Variants in TAMM41 observed in about 807,000 individuals in gnomAD.
TAMM41 encodes phosphatidate cytidylyltransferase, mitochondrial.
Under a neutral mutation model 44.1 loss-of-function variants are expected in TAMM41, and 36 were observed. That is an observed-to-expected ratio of 0.82 (90% confidence interval 0.63 to 1.08). The LOEUF is 1.08. Ranked by LOEUF, TAMM41 falls within the 50% of genes least tolerant of loss-of-function variation. The probability of loss-of-function intolerance (pLI) is 0.00; values close to 1 mark genes in which losing one functional copy is unlikely to be tolerated. For missense variants in TAMM41, 417 were observed against 404.3 expected, an observed-to-expected ratio of 1.03 and a Z score of -0.27; for synonymous variants, 164 against 153.1, an observed-to-expected ratio of 1.07 and a Z score of -0.53.
chr3:11,785,631 TTCAG>T (rs1026447226), downstream of TAMM41, among the ~76,000 whole-genome samples: 6 of 149,982 alleles, frequency 4.0e-5, no homozygotes, highest in Middle Eastern at 3.8e-3. Flanking sequence ...GCCTGTTTTT[TTCAG>T]TCAGAGTCTC....
At chr3:11,767,584 C>T in the TAMM41 span, among the ~76,000 whole-genome samples, 15 of 149,808 alleles carry the variant, frequency 1.0e-4, no homozygotes, top group South Asian at 2.1e-4. Flanking sequence ...CAGCAATGTA[C>T]GAGGGTTCCA....
intron 7 of TAMM41, among the ~76,000 whole-genome samples, chr3:11,803,226 T>C (rs2077804326): frequency 2.0e-5 from 3 of 152,108 alleles, no homozygotes; most frequent in Admixed American, 6.5e-5. Context: ...GAGCTGAGAT[T>C]GCACCACTGC....
chr3:11,794,505 TG>T, intron 7 of TAMM41, among the ~76,000 whole-genome samples: 1 of 152,300 alleles, frequency 6.6e-6, no homozygotes, highest in East Asian at 1.9e-4. Flanking sequence ...CCTTCCCCAG[TG>T]GATAAAAATG....
At chr3:11,838,078 C>T (rs908308444) in intron 3 of TAMM41, among the ~76,000 whole-genome samples, 1 of 152,326 alleles carries the variant, frequency 6.6e-6, no homozygotes, top group African/African-American at 2.4e-5. Flanking sequence ...CCACAAGCCT[C>T]CCCCACTTCA....
rs191005148 is a variant in TAMM41 at position 11,800,918 on chromosome 3, A to G, written c.937+6915T>C. On this transcript the variant is annotated intron_variant, in intron 7 of 7. Coordinates refer to ENST00000455809, the MANE Select transcript of TAMM41 (RefSeq NM_001284401.2). ...GGCTACATAGGGAGACTTTGTCTCTACAAAAAATAAGATTAAAAATAAATG... is the reference window on the plus strand; with the variant it reads ...GGCTACATAGGGAGACTTTGTCTCTGCAAAAAATAAGATTAAAAATAAATG... Among the ~76,000 whole-genome samples, 71 of 152,204 alleles carry G rather than the reference A, an allele frequency of 4.7e-4. 1 individual carries two copies. The East Asian group carries it at 0.013, about 28-fold the overall frequency.
intron 7 of TAMM41, chr3:11,807,497 G>A: frequency 6.5e-7 from 1 of 1,536,080 alleles, no homozygotes; most frequent in Non-Finnish European, 8.7e-7. Context: ...GAAGAGGAGG[G>A]GGAGCACAGA....
intron 4 of TAMM41, among the ~76,000 whole-genome samples, chr3:11,825,872 G>A (rs1174635261): frequency 6.6e-6 from 1 of 151,996 alleles, no homozygotes; most frequent in African/African-American, 2.4e-5. Context: ...GTTCACTGCA[G>A]CCTGGAAGTT....
chr3:11,734,417 A>G, the TAMM41 span, among the ~76,000 whole-genome samples: 32 of 152,260 alleles, frequency 2.1e-4, no homozygotes, highest in African/African-American at 6.7e-4. Context: ...TGGCGTCCAG[A>G]CTGAAGACTT....
intron 3 of TAMM41, 61 bp from the exon 4 acceptor site, chr3:11,829,925 G>A (rs2078915762): frequency 1.3e-6 from 2 of 1,512,584 alleles, no homozygotes; most frequent in East Asian, 2.3e-5. Flanking sequence ...TCAAGCATGG[G>A]TTACAAATGC....
chr3:11,770,924 G>A, the TAMM41 span, among the ~76,000 whole-genome samples: 2 of 152,116 alleles, frequency 1.3e-5, no homozygotes, highest in African/African-American at 4.8e-5. Flanking sequence ...GGCCAGGCTC[G>A]CAGACAAGTG....
At chr3:11,801,039 C>A (rs1245180037) in intron 7 of TAMM41, among the ~76,000 whole-genome samples, 10 of 150,928 alleles carry the variant, frequency 6.6e-5, no homozygotes, top group East Asian at 2.0e-4. Flanking sequence ...CTACAGTAAG[C>A]CATGATCACA....
chr3:11,814,978 G>T (rs1229417554), intron 5 of TAMM41, among the ~76,000 whole-genome samples: 1 of 151,910 alleles, frequency 6.6e-6, no homozygotes, highest in Non-Finnish European at 1.5e-5. Context: ...GAGAAAGAAA[G>T]AAAAGAAAGA....
At chr3:11,839,148 A>G in intron 3 of TAMM41, 74 bp downstream of exon 3, 1 of 909,244 alleles carries the variant, frequency 1.1e-6, no homozygotes, top group Non-Finnish European at 1.7e-6. Context: ...TCTCATTGCA[A>G]TCACAATGAT....
chr3:11,792,128 C>T (rs1379612247), intron 7 of TAMM41, among the ~76,000 whole-genome samples: 1 of 152,066 alleles, frequency 6.6e-6, no homozygotes, highest in African/African-American at 2.4e-5. Context: ...GGATCTTAAA[C>T]ATTTAAGGTA....
the TAMM41 span, among the ~76,000 whole-genome samples, chr3:11,757,724 T>C: frequency 6.6e-6 from 1 of 152,356 alleles, no homozygotes; most frequent in East Asian, 1.9e-4. Context: ...GCTCTGATTC[T>C]GCGATTTAGA....
At chr3:11,733,940 AT>A in the TAMM41 span, among the ~76,000 whole-genome samples, 1 of 152,028 alleles carries the variant, frequency 6.6e-6, no homozygotes, top group Admixed American at 6.6e-5. Flanking sequence ...CCCAGAGTTC[AT>A]TGCATGACCC....
intron 6 of TAMM41, chr3:11,808,484 G>A (rs558988067): frequency 2.2e-5 from 22 of 986,008 alleles, no homozygotes; most frequent in East Asian, 1.1e-4. Flanking sequence ...GAGAGTGGGC[G>A]TGGAGCGCCT....
At chr3:11,836,789 A>C (rs532187477) in intron 3 of TAMM41, among the ~76,000 whole-genome samples, 1 of 152,346 alleles carries the variant, frequency 6.6e-6, no homozygotes, top group African/African-American at 2.4e-5. Flanking sequence ...TAAAACAAAC[A>C]AACAAAACAA....
chr3:11,757,159 G>A, the TAMM41 span, among the ~76,000 whole-genome samples: 2 of 152,192 alleles, frequency 1.3e-5, no homozygotes, highest in Non-Finnish European at 2.9e-5. Flanking sequence ...CTGAATCTGT[G>A]TGCATAGAAA....
Sources: allele counts gnomAD v4.1 joint callset (sites outside exome capture counted in the v4.1 genomes callset), GRCh38; gene constraint gnomAD v4.1.1; transcripts MANE v1.5; gene names NCBI Gene and HGNC (gene_info 2026-07-23, HGNC 2026-07-21).